GADL1: variants seen among roughly 807,000 people sequenced by gnomAD.
The protein encoded by GADL1 is GAD like acidic amino acid decarboxylase 1.
A neutral mutation model predicts 69.5 loss-of-function variants in GADL1; 71 were observed. The ratio of observed to expected loss-of-function variants is 1.02; its 90% CI spans 0.84 to 1.25. GADL1 has a LOEUF of 1.25. GADL1 is among the 50% of genes most tolerant of loss of function. The probability of loss-of-function intolerance (pLI) is 0.00; values close to 1 mark genes in which losing one functional copy is unlikely to be tolerated. For missense variants in GADL1, 737 were observed against 631.8 expected (o/e 1.17, Z -1.79); for synonymous variants, 254 against 214.4 (o/e 1.18, Z -1.62).
chr3:30,887,374 T>C (rs72852603), intron 1 of GADL1, among the ~76,000 whole-genome samples: 1 of 152,074 alleles, frequency 6.6e-6, no homozygotes, highest in Admixed American at 6.6e-5. Flanking sequence ...CATTTATAGA[T>C]TATTGAGTTA....
At chr3:30,803,659 T>C (rs1031781155) in intron 11 of GADL1, among the ~76,000 whole-genome samples, 2 of 152,212 alleles carry the variant, frequency 1.3e-5, no homozygotes, top group African/African-American at 2.4e-5. Flanking sequence ...TTTATGGCAC[T>C]AAAAAATTCT....
chr3:30,858,466 A>G (rs1698261399), intron 2 of GADL1, among the ~76,000 whole-genome samples: 2 of 152,050 alleles, frequency 1.3e-5, no homozygotes, highest in African/African-American at 4.8e-5. Flanking sequence ...ATGACAGTCA[A>G]TGCTGTATTA....
intron 14 of GADL1, among the ~76,000 whole-genome samples, chr3:30,760,900 A>G (rs959721684): frequency 4.6e-5 from 7 of 152,134 alleles, no homozygotes; most frequent in African/African-American, 1.2e-4. Flanking sequence ...GACATAGGGA[A>G]ACTGGCCATT....
chr3:30,862,267 C>G (rs1428039823), intron 1 of GADL1, among the ~76,000 whole-genome samples: 1 of 152,014 alleles, frequency 6.6e-6, no homozygotes, highest in Non-Finnish European at 1.5e-5. Flanking sequence ...ACAGCCGTCA[C>G]TCTACCACAG....
intron 11 of GADL1, among the ~76,000 whole-genome samples, chr3:30,823,970 A>G (rs1402800573): frequency 6.6e-6 from 1 of 151,848 alleles, no homozygotes; most frequent in Non-Finnish European, 1.5e-5. Context: ...CATACAAAAT[A>G]GAGAGTAAGA....
At chr3:30,768,684 T>C (rs1696346340) in intron 14 of GADL1, among the ~76,000 whole-genome samples, 1 of 152,026 alleles carries the variant, frequency 6.6e-6, no homozygotes, top group African/African-American at 2.4e-5. Context: ...AGAAGGGATG[T>C]GACTTCCTCT....
intron 14 of GADL1, among the ~76,000 whole-genome samples, chr3:30,741,376 C>T (rs921279438): frequency 1.3e-5 from 2 of 151,896 alleles, no homozygotes; most frequent in Non-Finnish European, 1.5e-5. Context: ...TACATCCCCA[C>T]ATTTAACCAG....
At chr3:30,747,853 C>A (rs980287961) in intron 14 of GADL1, among the ~76,000 whole-genome samples, 1 of 152,090 alleles carries the variant, frequency 6.6e-6, no homozygotes, top group African/African-American at 2.4e-5. Context: ...ACTGCCTTTG[C>A]CAGAGAGTTA....
chr3:30,767,194 G>C (rs914648990), intron 14 of GADL1, among the ~76,000 whole-genome samples: 1 of 152,300 alleles, frequency 6.6e-6, no homozygotes, highest in East Asian at 1.9e-4. Context: ...CATGCAGCCA[G>C]TGAGTGGCAG....
intron 14 of GADL1, among the ~76,000 whole-genome samples, chr3:30,760,346 TTCA>T (rs1165875433): frequency 2.0e-5 from 3 of 152,194 alleles, no homozygotes; most frequent in Non-Finnish European, 4.4e-5. Context: ...TTTGCTTCTC[TTCA>T]TTAAGCTTTA....
intron 11 of GADL1, among the ~76,000 whole-genome samples, chr3:30,817,621 G>A (rs1201081289): frequency 1.3e-5 from 2 of 152,088 alleles, no homozygotes; most frequent in African/African-American, 2.4e-5. Flanking sequence ...GTTCACACTA[G>A]CTCTGAAAAC....
intron 14 of GADL1, among the ~76,000 whole-genome samples, chr3:30,760,946 G>C (rs1317064851): frequency 6.6e-6 from 1 of 150,672 alleles, no homozygotes; most frequent in Non-Finnish European, 1.5e-5. Flanking sequence ...CTGATGTCCT[G>C]TGCTGTTCTA....
intron 9 of GADL1, 101 bp downstream of exon 9, chr3:30,838,896 G>T (rs756085901): frequency 7.5e-6 from 5 of 662,766 alleles, no homozygotes; most frequent in African/African-American, 3.8e-5. Context: ...AAACAAAAGC[G>T]TTGGGGACTC....
chr3:30,778,267 G>T lies in GADL1; in HGVS notation c.1304C>A (p.Pro435His). Residue 435 changes from proline to histidine, a missense_variant and splice_region_variant, in exon 14 of 15, where the codon CCT (proline) becomes CAT (histidine). Physicochemically the swap from Pro to His is moderately conservative, Grantham distance 77. Coordinates refer to ENST00000282538, the MANE Select transcript of GADL1 (RefSeq NM_207359.3). ...CCAAAAGCAAATATTGGCATATTCA[G>T]GCTGAGAATTAGAAAAAATATAAAG... ...KREGFKLLME[P>H]EYANICFWYI... 1 of 1,591,308 alleles carries T rather than the reference G, an allele frequency of 6.3e-7. No individual in the cohort carries two copies. The highest frequency in any genetic ancestry group is 8.6e-7 in the Non-Finnish European group (1 of 1,161,684).
intron 11 of GADL1, among the ~76,000 whole-genome samples, chr3:30,809,137 T>C (rs1377093417): frequency 2.0e-5 from 3 of 152,238 alleles, no homozygotes; most frequent in Non-Finnish European, 4.4e-5. Context: ...TGTTCACCTA[T>C]AATCCAAAGC....
intron 11 of GADL1, among the ~76,000 whole-genome samples, chr3:30,831,899 G>A (rs912837293): frequency 3.8e-4 from 57 of 151,990 alleles, no homozygotes; most frequent in African/African-American, 1.4e-3. Context: ...CAAAACAGCA[G>A]TTAAAAAATT....
chr3:30,782,156 A>G (rs1353537185), intron 13 of GADL1, among the ~76,000 whole-genome samples: 1 of 152,204 alleles, frequency 6.6e-6, no homozygotes, highest in Non-Finnish European at 1.5e-5. Context: ...CGTATGATGT[A>G]CTTGGAAGCT....
intron 14 of GADL1, among the ~76,000 whole-genome samples, chr3:30,767,364 G>GA: frequency 6.6e-6 from 1 of 152,250 alleles, no homozygotes; most frequent in South Asian, 2.1e-4. Context: ...GCAGATTTGA[G>GA]AACCTATCGT....
intron 14 of GADL1, among the ~76,000 whole-genome samples, chr3:30,741,806 G>T (rs2125473397): frequency 6.6e-6 from 1 of 152,286 alleles, no homozygotes; most frequent in African/African-American, 2.4e-5. Context: ...CTCTCAAAGA[G>T]ATTTCTTGAA....
Sources: allele counts gnomAD v4.1 joint callset (sites outside exome capture counted in the v4.1 genomes callset), GRCh38; gene constraint gnomAD v4.1.1; transcripts MANE v1.5; gene names NCBI Gene and HGNC (gene_info 2026-07-23, HGNC 2026-07-21).